ARSB: variants seen among roughly 807,000 people sequenced by gnomAD.
ARSB encodes the protein N-acetylgalactosamine-4-sulfatase.
A neutral mutation model predicts 50.9 loss-of-function variants in ARSB; 41 were observed. The observed-to-expected ratio is 0.81, with a 90% CI of 0.63 to 1.04. The LOEUF (loss-of-function observed/expected upper bound fraction) is 1.04, where lower values mean the gene tolerates loss of function less well. ARSB is among the 50% of genes least tolerant of loss of function. The pLI, the probability that ARSB is intolerant of heterozygous loss-of-function variation, is 0.00. For synonymous variants in ARSB, 269 were observed against 284.8 expected, an observed-to-expected ratio of 0.94 and a Z score of 0.56; for missense variants, 672 against 693.3, an observed-to-expected ratio of 0.97 and a Z score of 0.35.
intron 4 of ARSB, among the ~76,000 whole-genome samples, chr5:78,943,314 C>T (rs1384467578): frequency 1.3e-5 from 2 of 152,118 alleles, no homozygotes; most frequent in Admixed American, 6.5e-5. Context: ...TGAATTTGAT[C>T]CTGTCATGAT....
chr5:78,972,822 G>A (rs895738636), intron 1 of ARSB, among the ~76,000 whole-genome samples: 2 of 152,168 alleles, frequency 1.3e-5, no homozygotes, highest in Admixed American at 6.5e-5. Flanking sequence ...TTCCTAAGCC[G>A]TGGGCACCAA....
chr5:78,807,138 G>GA (rs1194095341), intron 6 of ARSB, among the ~76,000 whole-genome samples: 1 of 151,860 alleles, frequency 6.6e-6, no homozygotes, highest in Non-Finnish European at 1.5e-5. Context: ...ATAAGGCCAA[G>GA]AAAAAAATCC....
intron 5 of ARSB, among the ~76,000 whole-genome samples, chr5:78,872,849 T>C (rs947317528): frequency 6.6e-6 from 1 of 150,754 alleles, no homozygotes; most frequent in Non-Finnish European, 1.5e-5. Context: ...GGGCTACATT[T>C]AGCAAAGAAA....
intron 6 of ARSB, among the ~76,000 whole-genome samples, chr5:78,809,858 T>C (rs1743742817): frequency 6.6e-6 from 1 of 152,198 alleles, no homozygotes; most frequent in East Asian, 1.9e-4. Context: ...GGCCCATTGC[T>C]TTGGCCCTCT....
At chr5:78,812,264 C>A (rs917916982) in intron 6 of ARSB, among the ~76,000 whole-genome samples, 1 of 152,124 alleles carries the variant, frequency 6.6e-6, no homozygotes, top group Non-Finnish European at 1.5e-5. Flanking sequence ...GAAACACAGG[C>A]AAGAGCATGG....
At chr5:78,843,081 T>G (rs1198181441) in intron 5 of ARSB, among the ~76,000 whole-genome samples, 2 of 152,306 alleles carry the variant, frequency 1.3e-5, no homozygotes, top group East Asian at 3.9e-4. Context: ...ACCCAAGCAT[T>G]GGTACTTTTG....
At chr5:78,948,339 A>G (rs1751342941) in intron 4 of ARSB, among the ~76,000 whole-genome samples, 1 of 152,224 alleles carries the variant, frequency 6.6e-6, no homozygotes, top group Admixed American at 6.5e-5. Context: ...TTGAGGGCAT[A>G]GATATCCCCA....
At chr5:78,899,495 G>A (rs1580020455) in intron 4 of ARSB, among the ~76,000 whole-genome samples, 1 of 152,068 alleles carries the variant, frequency 6.6e-6, no homozygotes, top group Admixed American at 6.5e-5. Flanking sequence ...ATTGTAGGTG[G>A]TCTTTGTTAC....
intron 5 of ARSB, among the ~76,000 whole-genome samples, chr5:78,845,452 A>C (rs1472715673): frequency 6.6e-6 from 1 of 152,096 alleles, no homozygotes; most frequent in Non-Finnish European, 1.5e-5. Context: ...AGGAGCCTTC[A>C]TATTGTTTTC....
chr5:78,922,268 C>T (rs978014346), intron 4 of ARSB, among the ~76,000 whole-genome samples: 2 of 151,838 alleles, frequency 1.3e-5, no homozygotes, highest in African/African-American at 4.8e-5. Flanking sequence ...GAGTGCAGCT[C>T]GCAGCCCTGG....
At chr5:78,813,843 A>G (rs1743900005) in intron 6 of ARSB, among the ~76,000 whole-genome samples, 1 of 152,138 alleles carries the variant, frequency 6.6e-6, no homozygotes, top group African/African-American at 2.4e-5. Context: ...TGTATTTATT[A>G]TGAGTACTGG....
rs1743467666 is a variant in ARSB, at chr5:78,803,548, C to T, written c.1214-21574G>A. Among the ~76,000 whole-genome samples the T allele has an allele frequency of 2.0e-5, 3 of 152,330 alleles. 1 individual carries two copies. The highest frequency in any genetic ancestry group is 4.1e-4 in the South Asian group (2 of 4,828). ...CAAAGGGAGCAGACAGAGCCCTGGC[C>T]TTGGTCCACTGGGGCCTGCACCACT... On this transcript the variant is annotated intron_variant, in intron 6 of 7. Coordinates refer to ENST00000264914, the MANE Select transcript of ARSB (RefSeq NM_000046.5).
chr5:78,951,960 C>T (rs543944603), intron 4 of ARSB, among the ~76,000 whole-genome samples: 141 of 152,200 alleles, frequency 9.3e-4, no homozygotes, highest in Non-Finnish European at 1.5e-3. Flanking sequence ...TGAATTGATG[C>T]AAAAATCCTA....
intron 4 of ARSB, among the ~76,000 whole-genome samples, chr5:78,914,757 G>T (rs909784333): frequency 6.6e-6 from 1 of 152,066 alleles, no homozygotes; most frequent in East Asian, 1.9e-4. Flanking sequence ...TACAATCTCC[G>T]CCAGGTTCAA....
chr5:78,898,817 T>A (rs1460870875), intron 4 of ARSB, among the ~76,000 whole-genome samples: 1 of 152,226 alleles, frequency 6.6e-6, no homozygotes, highest in Admixed American at 6.5e-5. Context: ...TTGAGCTTCA[T>A]AGTAGAGTTA....
chr5:78,867,324 A>C (rs1466583683), intron 5 of ARSB, among the ~76,000 whole-genome samples: 1 of 151,706 alleles, frequency 6.6e-6, no homozygotes, highest in Non-Finnish European at 1.5e-5. Context: ...CCACAGCTCA[A>C]GGAGGCCTGC....
intron 4 of ARSB, among the ~76,000 whole-genome samples, chr5:78,917,572 G>A (rs745483391): frequency 5.3e-5 from 8 of 152,030 alleles, no homozygotes; most frequent in Non-Finnish European, 1.2e-4. Flanking sequence ...GAGTGTGGTG[G>A]CACAATCTTG....
intron 1 of ARSB, among the ~76,000 whole-genome samples, chr5:78,972,516 T>TGTACACACACACACACACACACAC (rs1554088555): frequency 1.4e-5 from 2 of 145,598 alleles, no homozygotes; most frequent in African/African-American, 5.2e-5. Context: ...CACGCATACG[T>TGTACACACACACACACACACACAC]ACACACACAC....
intron 5 of ARSB, among the ~76,000 whole-genome samples, chr5:78,847,217 T>C (rs568408780): frequency 6.6e-6 from 1 of 152,236 alleles, no homozygotes; most frequent in African/African-American, 2.4e-5. Context: ...AGTCTCAATC[T>C]CCCAGACTCA....
Sources: allele counts gnomAD v4.1 joint callset (sites outside exome capture counted in the v4.1 genomes callset), GRCh38; gene constraint gnomAD v4.1.1; transcripts MANE v1.5; gene names NCBI Gene and HGNC (gene_info 2026-07-23, HGNC 2026-07-21).